The following EIF4G3 variants were observed in gnomAD, a reference collection of about 807,000 sequenced individuals.
EIF4G3 encodes the protein eukaryotic translation initiation factor 4 gamma 3, also known as eIF-4-gamma 3.
EIF4G3 carries 34 observed loss-of-function variants against 186.4 expected under a neutral mutation model. The observed-to-expected ratio is 0.18, with a 90% CI of 0.14 to 0.24. EIF4G3 has a LOEUF of 0.24. Ranked by LOEUF, EIF4G3 falls within the 10% of genes least tolerant of loss-of-function variation. The probability of loss-of-function intolerance (pLI) is 1.00; values close to 1 mark genes in which losing one functional copy is unlikely to be tolerated. For synonymous variants in EIF4G3, 673 were observed against 679.5 expected (o/e 0.99, Z 0.15); for missense variants, 1,536 against 1,948.5 (o/e 0.79, Z 3.99).
chr1:20,986,581 TA>T (rs1023088109), intron 7 of EIF4G3, among the ~76,000 whole-genome samples: 5 of 151,048 alleles, frequency 3.3e-5, no homozygotes, highest in Non-Finnish European at 7.4e-5. Context: ...CCGTCTCCAC[TA>T]AAAAAATACA....
chr1:21,129,623 T>G (rs1162330891), intron 2 of EIF4G3, among the ~76,000 whole-genome samples: 1 of 152,128 alleles, frequency 6.6e-6, no homozygotes, highest in Non-Finnish European at 1.5e-5. Context: ...GGTCCTTTTC[T>G]GCTATGAAGC....
intron 12 of EIF4G3, among the ~76,000 whole-genome samples, chr1:20,952,297 G>A (rs1156504512): frequency 6.6e-6 from 1 of 151,850 alleles, no homozygotes; most frequent in Non-Finnish European, 1.5e-5. Context: ...TGGGGCTACA[G>A]GTGTGCGCCA....
intron 12 of EIF4G3, among the ~76,000 whole-genome samples, chr1:20,959,060 G>A (rs2096507459): frequency 6.6e-6 from 1 of 151,936 alleles, no homozygotes; most frequent in Admixed American, 6.6e-5. Flanking sequence ...AAATTCATAT[G>A]GAACCAAAAA....
chr1:20,936,407 T>C (rs1486154765), intron 14 of EIF4G3, among the ~76,000 whole-genome samples: 2 of 152,156 alleles, frequency 1.3e-5, no homozygotes, highest in African/African-American at 4.8e-5. Context: ...GAACCAGGAA[T>C]GTGTAAGGAG....
At chr1:21,111,846 C>T (rs1236995570) in intron 2 of EIF4G3, among the ~76,000 whole-genome samples, 2 of 152,174 alleles carry the variant, frequency 1.3e-5, no homozygotes, top group Non-Finnish European at 2.9e-5. Flanking sequence ...CCAAGGTGAG[C>T]AGCTTATCAA....
At chr1:21,054,331 G>GGGAAGGC (rs546464445) in intron 3 of EIF4G3, among the ~76,000 whole-genome samples, 1 of 95,780 alleles carries the variant, frequency 1.0e-5, no homozygotes, top group Non-Finnish European at 2.4e-5. Flanking sequence ...CACAAACACT[G>GGGAAGGC]CGGAAGGCCG....
At chr1:20,991,352 A>T (rs1170433471) in intron 7 of EIF4G3, among the ~76,000 whole-genome samples, 2 of 152,100 alleles carry the variant, frequency 1.3e-5, no homozygotes, top group Non-Finnish European at 2.9e-5. Flanking sequence ...CGGATCGCTT[A>T]AGCTCAGGAG....
chr1:20,932,715 C>T (rs553897270), intron 14 of EIF4G3, among the ~76,000 whole-genome samples: 1 of 151,946 alleles, frequency 6.6e-6, no homozygotes, highest in South Asian at 2.1e-4. Context: ...TTTGTGGTGC[C>T]CCAAAACAAT....
chr1:20,894,643 T>C (rs941172861), intron 17 of EIF4G3, among the ~76,000 whole-genome samples: 1 of 152,176 alleles, frequency 6.6e-6, no homozygotes, highest in African/African-American at 2.4e-5. Flanking sequence ...ACACTAGGCA[T>C]AAATCGGTTA....
chr1:21,131,239 C>CAAA (rs33913086), intron 2 of EIF4G3, among the ~76,000 whole-genome samples: 16 of 114,134 alleles, frequency 1.4e-4, no homozygotes, highest in South Asian at 2.9e-4. Flanking sequence ...GATTCTGCCT[C>CAAA]AAAAAAAAAA....
intron 14 of EIF4G3, among the ~76,000 whole-genome samples, chr1:20,919,683 T>C (rs930198067): frequency 6.6e-6 from 1 of 152,112 alleles, no homozygotes; most frequent in Non-Finnish European, 1.5e-5. Flanking sequence ...TAAAGTAAAT[T>C]AGAAGGGAGA....
At chr1:20,843,520 A>AAAAT (rs965310379) in intron 29 of EIF4G3, among the ~76,000 whole-genome samples, 81 of 152,176 alleles carry the variant, frequency 5.3e-4, no homozygotes, top group African/African-American at 1.8e-3. Context: ...CTGTCTCCAA[A>AAAAT]AAATAAATAA....
At position 20,929,243 on chromosome 1, in the gene EIF4G3, T is replaced by A. The variant is rs542020564; in HGVS notation, c.1663+12248A>T. On this transcript the variant is annotated intron_variant, in intron 14 of 36. Transcript: ENST00000602326. Reference sequence around the variant, plus strand: ...TTCCACTCCTGCCAAAGCAGGAAGTTAATGATGGTATTACCATCCTCAACT... The same window carrying A: ...TTCCACTCCTGCCAAAGCAGGAAGTAAATGATGGTATTACCATCCTCAACT... 8 of 152,332 alleles carry A rather than the reference T, an allele frequency of 5.3e-5. No individual in the cohort carries two copies. In the East Asian group the frequency reaches 1.5e-3, roughly 29 times the overall value. The allele number at this position is 152,332 out of a possible 1,614,324, so 9.4% of individuals were successfully genotyped here.
intron 2 of EIF4G3, among the ~76,000 whole-genome samples, chr1:21,148,425 G>C (rs553904014): frequency 6.6e-6 from 1 of 151,910 alleles, no homozygotes; most frequent in African/African-American, 2.4e-5. Flanking sequence ...GTAAACAGCC[G>C]GGCGCGGTGG....
At chr1:20,905,489 T>C (rs1010905557) in intron 14 of EIF4G3, among the ~76,000 whole-genome samples, 3 of 152,248 alleles carry the variant, frequency 2.0e-5, no homozygotes, top group African/African-American at 7.2e-5. Context: ...TTTCATTAGA[T>C]AGGCAGCATT....
chr1:21,137,992 A>C (rs1211172913), intron 2 of EIF4G3, among the ~76,000 whole-genome samples: 1 of 152,152 alleles, frequency 6.6e-6, no homozygotes, highest in Admixed American at 6.6e-5. Context: ...TGACAATGAC[A>C]CTCATTAACC....
intron 3 of EIF4G3, among the ~76,000 whole-genome samples, chr1:21,085,754 C>T (rs1013190495): frequency 1.3e-5 from 2 of 152,022 alleles, no homozygotes; most frequent in East Asian, 1.9e-4. Context: ...GCTGGAGTGG[C>T]GCGATCTTGG....
chr1:20,884,933 C>T (rs1050260954), intron 19 of EIF4G3, among the ~76,000 whole-genome samples: 8 of 152,046 alleles, frequency 5.3e-5, no homozygotes, highest in African/African-American at 1.9e-4. Flanking sequence ...TGGGGTTGAG[C>T]GGGGAAGAGG....
intron 15 of EIF4G3, 28 bp from the exon 16 acceptor site, chr1:20,899,971 C>T: frequency 6.3e-7 from 1 of 1,587,240 alleles, no homozygotes; most frequent in Non-Finnish European, 8.5e-7. Context: ...AAAGAGGTTA[C>T]ATTTTTTTCC....
Sources: gnomAD v4.1 joint callset for allele counts (sites outside exome capture counted in the v4.1 genomes callset) on GRCh38, gnomAD v4.1.1 for gene constraint, MANE v1.5 for transcripts, NCBI Gene and HGNC (gene_info 2026-07-23, HGNC 2026-07-21) for gene names.